ABL1: variants seen among roughly 807,000 people sequenced by gnomAD.
ABL1 encodes ABL proto-oncogene 1, non-receptor tyrosine kinase.
In ABL1, 11 loss-of-function variants were observed where a neutral mutation model predicts 94.7. The observed-to-expected ratio is 0.12, with a 90% CI of 0.07 to 0.19. The LOEUF is 0.19. Among genes scored for constraint, ABL1 ranks in the 10% least tolerant of loss-of-function variants. The pLI, the probability that ABL1 is intolerant of heterozygous loss-of-function variation, is 1.00. For synonymous variants in ABL1, 656 were observed against 622.4 expected (o/e 1.05, Z -0.80); for missense variants, 1,082 against 1,489.4 (o/e 0.73, Z 4.50).
At chr9:130,882,107 C>G (rs1489231447) in intron 10 of ABL1, among the ~76,000 whole-genome samples, 1 of 152,190 alleles carries the variant, frequency 6.6e-6, no homozygotes, top group South Asian at 2.1e-4. Context: ...TCCACCCTTC[C>G]TCCTCTTATC....
chr9:130,823,239 C>A (rs1410421666), intron 1 of ABL1, among the ~76,000 whole-genome samples: 3 of 152,104 alleles, frequency 2.0e-5, no homozygotes, highest in Non-Finnish European at 2.9e-5. Context: ...GAGCTGGACA[C>A]TGGGCTGCAT....
At chr9:130,877,973 C>T (rs562250261) in intron 7 of ABL1, among the ~76,000 whole-genome samples, 102 of 146,112 alleles carry the variant, frequency 7.0e-4, no homozygotes, top group African/African-American at 2.7e-3. Flanking sequence ...CCACCACGCC[C>T]GGCTAATTTT....
At chr9:130,757,638 A>G (rs1832057694) in intron 1 of ABL1, among the ~76,000 whole-genome samples, 2 of 145,442 alleles carry the variant, frequency 1.4e-5, no homozygotes, top group Admixed American at 7.2e-5. Flanking sequence ...TCCTGGGTTC[A>G]AGTGATTCTT....
At chr9:130,854,002 T>TA in intron 1 of ABL1, 62 bp from the exon 2 acceptor site, 2 of 1,523,956 alleles carry the variant, frequency 1.3e-6, no homozygotes, top group Non-Finnish European at 1.8e-6. Context: ...AGAATAAAAC[T>TA]AATTTTTTCT....
intron 1 of ABL1, among the ~76,000 whole-genome samples, chr9:130,773,012 C>A (rs1337520339): frequency 6.6e-6 from 1 of 152,126 alleles, no homozygotes; most frequent in Non-Finnish European, 1.5e-5. Flanking sequence ...GGTAAATCCC[C>A]AAGGCCTATA....
intron 1 of ABL1, among the ~76,000 whole-genome samples, chr9:130,843,734 A>G (rs1172503006): frequency 1.3e-5 from 2 of 152,042 alleles, no homozygotes; most frequent in East Asian, 3.9e-4. Flanking sequence ...AGGCTGGGGA[A>G]CGAACTCTAG....
intron 1 of ABL1, among the ~76,000 whole-genome samples, chr9:130,781,943 A>G (rs1829761699): frequency 6.6e-6 from 1 of 152,258 alleles, no homozygotes; most frequent in Non-Finnish European, 1.5e-5. Context: ...ATATGCACAC[A>G]TACATGTACG....
chr9:130,877,979 ATT>A (rs35113428), intron 7 of ABL1, among the ~76,000 whole-genome samples: 23,683 of 151,176 alleles, frequency 0.16, 2,563 homozygotes, highest in African/African-American at 0.32. Context: ...CGCCCGGCTA[ATT>A]TTTTTGTATT....
rs116879928 is a variant in ABL1, at chr9:130,865,359, C to G, written c.822+2324C>G. On this transcript the variant is annotated intron_variant, in intron 4 of 10. Coordinates refer to ENST00000318560, the MANE Select transcript of ABL1 (RefSeq NM_005157.6). ...AGCAACTGCTAAATAAATTAGCCCT[C>G]CTTCCTCCTGGCCGTGCGCAGAAAC... Among the ~76,000 whole-genome samples the G allele has an allele frequency of 5.4e-3, 819 of 152,346 alleles. 6 individuals are homozygous for G. The highest frequency in any genetic ancestry group is 8.7e-3 in the Non-Finnish European group (591 of 68,026).
intron 1 of ABL1, among the ~76,000 whole-genome samples, chr9:130,758,582 G>A (rs528966705): frequency 9.2e-5 from 14 of 152,150 alleles, no homozygotes; most frequent in East Asian, 1.9e-4. Flanking sequence ...ACAGGCGTGC[G>A]CCACCAAGCC....
chr9:130,809,789 A>G (rs1830182463), intron 1 of ABL1, among the ~76,000 whole-genome samples: 1 of 152,206 alleles, frequency 6.6e-6, no homozygotes, highest in Non-Finnish European at 1.5e-5. Flanking sequence ...TGCCAGACTA[A>G]CGTTTGACCA....
chr9:130,876,669 C>T (rs930824409), intron 7 of ABL1, among the ~76,000 whole-genome samples: 5 of 151,636 alleles, frequency 3.3e-5, no homozygotes, highest in Admixed American at 6.6e-5. Flanking sequence ...AGTCCACCTG[C>T]CTTGGCCTCC....
chr9:130,799,496 C>T (rs189448384), intron 1 of ABL1, among the ~76,000 whole-genome samples: 9 of 152,262 alleles, frequency 5.9e-5, no homozygotes, highest in African/African-American at 2.2e-4. Flanking sequence ...AATCTAGGTT[C>T]TATCATGTGT....
At position 130,872,487 on chromosome 9, in the gene ABL1, C is replaced by T. The variant is rs1306228688; in HGVS notation, c.907+274C>T. Among the ~76,000 whole-genome samples the T allele has an allele frequency of 6.6e-6, 1 of 152,244 alleles. No individual in the cohort carries two copies. The highest frequency in any genetic ancestry group is 1.5e-5 in the Non-Finnish European group (1 of 68,042). On this transcript the variant is annotated intron_variant, in intron 5 of 10. Transcript: ENST00000318560. The surrounding 1 kb of genome is among the most constrained non-coding windows in gnomAD (Gnocchi z 5.0). ...GCAAATCTGAAATTAGTTTCTGAAA[C>T]TTGGGCATTTTCCAGAGTTTTCTCA...
rs1409681272 is a variant in ABL1, at chr9:130,887,078, CT to C, written c.*1396del. ...GTGACTCTGGGCAGGGACCCGGGGT[CT>C]CCTGGACCTTGACAGAGCAGCTAAC... On this transcript the variant is annotated 3_prime_UTR_variant, in exon 11 of 11. Coordinates refer to ENST00000318560, the MANE Select transcript of ABL1 (RefSeq NM_005157.6). 1.3e-5 allele frequency: 3 copies of C among 233,024 alleles called. No individual in the cohort carries two copies. Among genetic ancestry groups the C allele is most frequent in the Non-Finnish European group, 2.5e-5 (3 of 117,960 alleles). 14.4% of individuals were successfully genotyped at this position (233,024 alleles called of 1,614,324 possible). A position where few individuals can be genotyped will look rare whatever the true frequency, so the allele number is the denominator to read the frequency against.
chr9:130,726,201 G>T (rs1011407717), intron 1 of ABL1, among the ~76,000 whole-genome samples: 3 of 104,204 alleles, frequency 2.9e-5, no homozygotes, highest in African/African-American at 1.7e-4. Flanking sequence ...ACAGAAAGGG[G>T]CACAAATTGA....
intron 1 of ABL1, among the ~76,000 whole-genome samples, chr9:130,756,522 A>T (rs1056299037): frequency 6.6e-6 from 1 of 152,108 alleles, no homozygotes; most frequent in African/African-American, 2.4e-5. Context: ...GCTATATTCC[A>T]AGCCACTGAG....
intron 1 of ABL1, among the ~76,000 whole-genome samples, chr9:130,716,520 TGTACA>T (rs1345383995): frequency 6.6e-6 from 1 of 152,202 alleles, no homozygotes; most frequent in Admixed American, 6.5e-5. Flanking sequence ...CAAGCACTTC[TGTACA>T]GTAAAGTATA....
rs184374969 is a variant in ABL1 at position 130,850,587 on chromosome 9, A to G, written c.80-3477A>G. Among the ~76,000 whole-genome samples, 122 of 152,078 alleles carry G rather than the reference A, an allele frequency of 8.0e-4. 1 individual carries two copies. The East Asian group carries it at 0.022, about 28-fold the overall frequency. On this transcript the variant is annotated intron_variant, in intron 1 of 10. Transcript: ENST00000318560. Reference sequence around the variant, plus strand: ...AGTGGCATGATCTCAGCTTACTACAACCTCTGCCTCCTGTGTTCAAGCGAT... The same window carrying G: ...AGTGGCATGATCTCAGCTTACTACAGCCTCTGCCTCCTGTGTTCAAGCGAT...
Sources: gnomAD v4.1 joint callset for allele counts (sites outside exome capture counted in the v4.1 genomes callset) on GRCh38, gnomAD v4.1.1 for gene constraint, Gnocchi (gnomAD v3.1) non-coding constraint, MANE v1.5 for transcripts, NCBI Gene and HGNC (gene_info 2026-07-23, HGNC 2026-07-21) for gene names.